Variants in QKI observed in about 807,000 individuals in gnomAD.
QKI encodes QKI, KH domain containing RNA binding.
A neutral mutation model predicts 39.0 loss-of-function variants in QKI; 10 were observed. The observed-to-expected ratio is 0.26, with a 90% confidence interval of 0.16 to 0.43. The LOEUF is 0.43. Among genes scored for constraint, QKI ranks in the 20% least tolerant of loss-of-function variants. The probability of loss-of-function intolerance (pLI) is 1.00; values close to 1 mark genes in which losing one functional copy is unlikely to be tolerated. For synonymous variants in QKI, 204 were observed against 155.4 expected (o/e 1.31, Z -2.33); for missense variants, 218 against 428.0 (o/e 0.51, Z 4.33).
At chr6:163,488,729 T>C (rs186586581) in intron 3 of QKI, among the ~76,000 whole-genome samples, 1 of 152,294 alleles carries the variant, frequency 6.6e-6, no homozygotes, top group Admixed American at 6.5e-5. Flanking sequence ...TATGTAACAG[T>C]TGTGCTAGTA....
intron 3 of QKI, among the ~76,000 whole-genome samples, chr6:163,534,376 G>T (rs1781062842): frequency 6.6e-6 from 1 of 152,204 alleles, no homozygotes; most frequent in African/African-American, 2.4e-5. Context: ...CTTAAAACAA[G>T]TGGTAGTCAT....
At chr6:163,466,441 A>G (rs1288516726) in intron 2 of QKI, among the ~76,000 whole-genome samples, 2 of 54,286 alleles carry the variant, frequency 3.7e-5, no homozygotes, top group Non-Finnish European at 6.4e-5. Context: ...CTAATCGCCA[A>G]AACAGTCTTG....
chr6:163,517,457 G>C (rs1233963438), intron 3 of QKI, among the ~76,000 whole-genome samples: 1 of 151,620 alleles, frequency 6.6e-6, no homozygotes, highest in African/African-American at 2.4e-5. Context: ...AGCTCTTTTG[G>C]CTCAGGCTGG....
rs1031102124 is a variant in QKI, at chr6:163,571,136, GCT to G, written c.*433_*434del. The G allele has an allele frequency of 2.6e-5, 4 of 154,988 alleles. No homozygotes were observed. The highest frequency in any genetic ancestry group is 5.7e-5 in the Non-Finnish European group (4 of 70,080). The allele number at this position is 154,988 out of a possible 1,614,324, so 9.6% of individuals were successfully genotyped here. On this transcript the variant is annotated 3_prime_UTR_variant, in exon 8 of 8. Coordinates refer to ENST00000361752, the MANE Select transcript of QKI (RefSeq NM_006775.3). The stretch of plus-strand genomic sequence containing the variant: ...TTTTTCTTCTCATAGCGAAGTCAAA[GCT>G]CTCTCTGAATGTACTGTGTGATGAT...
At chr6:163,539,268 A>G (rs551567639) in intron 4 of QKI, among the ~76,000 whole-genome samples, 1 of 152,244 alleles carries the variant, frequency 6.6e-6, no homozygotes, top group East Asian at 1.9e-4. Flanking sequence ...ATCATCAGCC[A>G]TTGGATTTGG....
intron 1 of QKI, among the ~76,000 whole-genome samples, chr6:163,454,237 G>A (rs1790772342): frequency 6.6e-6 from 1 of 151,882 alleles, no homozygotes; most frequent in African/African-American, 2.4e-5. Context: ...CATACTAGAA[G>A]CTTAATAATT....
At chr6:163,480,363 C>T (rs141877403) in intron 3 of QKI, among the ~76,000 whole-genome samples, 63 of 152,062 alleles carry the variant, frequency 4.1e-4, no homozygotes, top group Admixed American at 5.2e-4. Flanking sequence ...TAGACCAGTA[C>T]GCTGAATCGC....
rs1415161620 is a variant in QKI, at chr6:163,573,674, A to C, written c.*2964A>C. On this transcript the variant is annotated 3_prime_UTR_variant, in exon 8 of 8. Transcript: ENST00000361752. ...TGGGCTTTTAGTTAGCTAATGAATG[A>C]ATACATTAGACACTTTTGGGTTTTA... 2.0e-5 allele frequency: 3 copies of C among 152,120 alleles called. No individual in the cohort carries two copies. Among genetic ancestry groups the C allele is most frequent in the Admixed American group, 2.0e-4 (3 of 15,266 alleles). The allele number at this position is 152,120 out of a possible 1,614,324, so 9.4% of individuals were successfully genotyped here.
At chr6:163,499,053 A>G (rs1215889424) in intron 3 of QKI, among the ~76,000 whole-genome samples, 4 of 152,180 alleles carry the variant, frequency 2.6e-5, no homozygotes, top group Non-Finnish European at 5.9e-5. Flanking sequence ...TGAACTATCA[A>G]AGGGCAAGGG....
intron 3 of QKI, among the ~76,000 whole-genome samples, chr6:163,484,737 TG>T (rs1370505114): frequency 2.0e-5 from 3 of 152,210 alleles, no homozygotes; most frequent in Non-Finnish European, 4.4e-5. Flanking sequence ...TATATGGGCA[TG>T]GTTTGGTGTG....
At chr6:163,570,472 CTCT>C (rs962383996) in intron 7 of QKI, 30 of 963,450 alleles carry the variant, frequency 3.1e-5, no homozygotes, top group African/African-American at 2.7e-4. Flanking sequence ...TGGGAGTGGG[CTCT>C]TCTTCATTTG....
chr6:163,490,877 A>G (rs1046625711), intron 3 of QKI, among the ~76,000 whole-genome samples: 4 of 152,172 alleles, frequency 2.6e-5, no homozygotes, highest in Non-Finnish European at 4.4e-5. Flanking sequence ...TTAGGATAAA[A>G]TCTTTGAAAC....
At chr6:163,517,744 G>T (rs1779921614) in intron 3 of QKI, among the ~76,000 whole-genome samples, 1 of 152,160 alleles carries the variant, frequency 6.6e-6, no homozygotes. Flanking sequence ...GTTCAGCCTA[G>T]TTAAGCTGAC....
At chr6:163,457,034 T>G (rs749295030) in intron 2 of QKI, among the ~76,000 whole-genome samples, 13 of 152,168 alleles carry the variant, frequency 8.5e-5, no homozygotes, top group Non-Finnish European at 1.2e-4. Context: ...ATTAGGATTA[T>G]TCCTAGAGAT....
chr6:163,454,709 A>G (rs1249454898), intron 1 of QKI, among the ~76,000 whole-genome samples: 1 of 152,072 alleles, frequency 6.6e-6, no homozygotes, highest in African/African-American at 2.4e-5. Flanking sequence ...TACTTGCTCT[A>G]AGACATCTCT....
chr6:163,549,389 A>G (rs1415520060), intron 4 of QKI, among the ~76,000 whole-genome samples: 3 of 152,094 alleles, frequency 2.0e-5, no homozygotes, highest in Non-Finnish European at 4.4e-5. Context: ...AGACTCAGTA[A>G]AAGACCAACA....
chr6:163,478,192 T>G (rs1164532770), intron 2 of QKI, among the ~76,000 whole-genome samples: 1 of 152,226 alleles, frequency 6.6e-6, no homozygotes, highest in African/African-American at 2.4e-5. Flanking sequence ...CTGGCCTATT[T>G]AGTGATATTC....
intron 6 of QKI, chr6:163,566,192 T>C: frequency 2.2e-6 from 3 of 1,344,190 alleles, no homozygotes; most frequent in Non-Finnish European, 2.9e-6. Flanking sequence ...GTATACTGAC[T>C]GCTAAGTGTA....
chr6:163,490,305 A>G lies in QKI; in HGVS notation c.402+11409A>G, dbSNP rs553862810. Among the ~76,000 whole-genome samples the G allele has an allele frequency of 1.7e-4, 26 of 152,344 alleles. No individual in the cohort carries two copies. In the South Asian group the frequency reaches 4.6e-3, roughly 27 times the overall value. ...CTTCTACCATAGTTAATTTAATACA[A>G]TCTGCGGCAGCAGTTATGTTTTTGA... On this transcript the variant is annotated intron_variant, in intron 3 of 7. Coordinates refer to ENST00000361752, the MANE Select transcript of QKI (RefSeq NM_006775.3).
Sources: allele counts gnomAD v4.1 joint callset (sites outside exome capture counted in the v4.1 genomes callset), GRCh38; gene constraint gnomAD v4.1.1; transcripts MANE v1.5; gene names NCBI Gene and HGNC (gene_info 2026-07-23, HGNC 2026-07-21).